EPB41L4A: variants seen among roughly 807,000 people sequenced by gnomAD.
EPB41L4A encodes erythrocyte membrane protein band 4.1 like 4A.
EPB41L4A carries 100 observed loss-of-function variants against 108.6 expected under a neutral mutation model. That is an observed-to-expected ratio of 0.92 (90% confidence interval 0.78 to 1.09). The LOEUF is 1.09. Ranked by LOEUF, EPB41L4A falls within the 50% of genes least tolerant of loss-of-function variation. The pLI is 0.00. For missense variants in EPB41L4A, 1,030 were observed against 842.7 expected, an observed-to-expected ratio of 1.22 and a Z score of -2.75; for synonymous variants, 319 against 289.0, an observed-to-expected ratio of 1.10 and a Z score of -1.05.
At chr5:112,373,000 C>T (rs1313859253) in intron 1 of EPB41L4A, among the ~76,000 whole-genome samples, 1 of 152,178 alleles carries the variant, frequency 6.6e-6, no homozygotes, top group East Asian at 1.9e-4. Context: ...TCCATATATT[C>T]TTTTTAAGAG....
intron 1 of EPB41L4A, among the ~76,000 whole-genome samples, chr5:112,308,282 CACA>C (rs1580654977): frequency 6.6e-6 from 1 of 152,204 alleles, no homozygotes; most frequent in East Asian, 1.9e-4. Flanking sequence ...AAAGAAATCC[CACA>C]ACAAGTCTCA....
Position 112,164,749 on chromosome 5 carries a change from C to T in EPB41L4A, c.*241G>A, listed in dbSNP as rs1016973753. ...GCTCGGGAGCCTGAGACAGGAGAAT[C>T]GCTTAACCCAGTAAGTGGAGGCTGC... On this transcript the variant is annotated 3_prime_UTR_variant, in exon 23 of 23. Coordinates refer to ENST00000261486, the MANE Select transcript of EPB41L4A (RefSeq NM_022140.5). The T allele has an allele frequency of 6.1e-5, 17 of 280,738 alleles. No homozygotes were observed. Among genetic ancestry groups the T allele is most frequent in the Non-Finnish European group, 8.5e-5 (13 of 152,262 alleles). The allele number at this position is 280,738 out of a possible 1,614,324, so 17.4% of individuals were successfully genotyped here. A position where few individuals can be genotyped will look rare whatever the true frequency, so the allele number is the denominator to read the frequency against.
In EPB41L4A at chr5:112,247,696, G is replaced by C. The variant is rs1484208681; in HGVS notation, c.796-6886C>G. ...AGGTCCTGAATTCTTACAAATGATG[G>C]AATTGGGGGTTTGAGTCAGGTTTAC... On this transcript the variant is annotated intron_variant, in intron 9 of 22. Transcript: ENST00000261486. Among the ~76,000 whole-genome samples the C allele has an allele frequency of 3.3e-5, 5 of 152,258 alleles. No individual in the cohort carries two copies. In the East Asian group the frequency reaches 7.7e-4, roughly 23 times the overall value.
At chr5:112,193,880 T>C (rs1761830180) in intron 17 of EPB41L4A, among the ~76,000 whole-genome samples, 2 of 152,286 alleles carry the variant, frequency 1.3e-5, no homozygotes, top group Non-Finnish European at 2.9e-5. Context: ...ACTCCCCCAG[T>C]TGAGAACCAC....
chr5:112,161,533 A>C, downstream of EPB41L4A: 1 of 519,248 alleles, frequency 1.9e-6, no homozygotes, highest in South Asian at 1.4e-5. Context: ...TGTGGTGTCA[A>C]AAAAGGCGTA....
At chr5:112,305,203 T>A (rs1754608091) in intron 2 of EPB41L4A, among the ~76,000 whole-genome samples, 1 of 152,170 alleles carries the variant, frequency 6.6e-6, no homozygotes, top group Non-Finnish European at 1.5e-5. Context: ...TTGCGTTTCA[T>A]CATCTCCAAC....
intron 11 of EPB41L4A, among the ~76,000 whole-genome samples, chr5:112,237,275 C>A (rs1749414119): frequency 6.6e-6 from 1 of 152,172 alleles, no homozygotes; most frequent in Non-Finnish European, 1.5e-5. Flanking sequence ...GATTTCAGCT[C>A]AGCCTTTCCT....
At chr5:112,150,993 T>C (rs550840648) in intron 12 of EPB41L4A, among the ~76,000 whole-genome samples, 20 of 152,282 alleles carry the variant, frequency 1.3e-4, no homozygotes, top group Non-Finnish European at 1.0e-4. Flanking sequence ...GGGGGGTTTG[T>C]TAAAATATAA....
intron 2 of EPB41L4A, among the ~76,000 whole-genome samples, chr5:112,303,315 G>A (rs1754488327): frequency 6.6e-6 from 1 of 152,124 alleles, no homozygotes; most frequent in Admixed American, 6.5e-5. Flanking sequence ...GAGGATTTTT[G>A]TTCAATACTC....
intron 12 of EPB41L4A, among the ~76,000 whole-genome samples, chr5:112,157,193 A>G (rs1195299843): frequency 2.0e-5 from 3 of 152,098 alleles, no homozygotes; most frequent in African/African-American, 7.2e-5. Flanking sequence ...GGCATGGTAG[A>G]TCTGTGTAGA....
intron 1 of EPB41L4A, among the ~76,000 whole-genome samples, chr5:112,336,241 T>C (rs1430122888): frequency 6.6e-6 from 1 of 152,042 alleles, no homozygotes; most frequent in Non-Finnish European, 1.5e-5. Flanking sequence ...AGACCAAAGA[T>C]GGATGGGGAG....
intron 1 of EPB41L4A, among the ~76,000 whole-genome samples, chr5:112,397,552 G>GA (rs998506411): frequency 3.0e-4 from 45 of 151,362 alleles, no homozygotes; most frequent in Non-Finnish European, 4.6e-4. Flanking sequence ...TAGTAATTCT[G>GA]AAAAAAAATT....
chr5:112,211,839 T>A (rs1457512428), intron 12 of EPB41L4A, among the ~76,000 whole-genome samples: 1 of 152,206 alleles, frequency 6.6e-6, no homozygotes, highest in African/African-American at 2.4e-5. Flanking sequence ...TCTAAGGCAT[T>A]TGACATGGGA....
chr5:112,337,509 C>A (rs1756998107), intron 1 of EPB41L4A, among the ~76,000 whole-genome samples: 1 of 152,180 alleles, frequency 6.6e-6, no homozygotes, highest in African/African-American at 2.4e-5. Context: ...ACAAGATCCC[C>A]ACAGACTGGT....
rs764558310 is a variant in EPB41L4A, at chr5:112,200,622, T to C, written c.1376+3753A>G. On this transcript the variant is annotated intron_variant, in intron 15 of 22. Coordinates refer to ENST00000261486, the MANE Select transcript of EPB41L4A (RefSeq NM_022140.5). The stretch of plus-strand genomic sequence containing the variant: ...CACCCAAACATTTTTTAATGTAAAA[T>C]TGAAAGCTGAGGAGTGAAAATATAT... Among the ~76,000 whole-genome samples, 11 of 152,152 alleles carry C rather than the reference T, an allele frequency of 7.2e-5. 1 individual carries two copies. The South Asian group carries it at 8.3e-4, about 11-fold the overall frequency.
chr5:112,357,288 G>A (rs78641586), intron 1 of EPB41L4A, among the ~76,000 whole-genome samples: 2 of 152,162 alleles, frequency 1.3e-5, no homozygotes, highest in Non-Finnish European at 2.9e-5. Flanking sequence ...ATGAACATGC[G>A]ACCTGAGCTG....
chr5:112,373,818 T>C (rs1418324171), intron 1 of EPB41L4A, among the ~76,000 whole-genome samples: 2 of 152,220 alleles, frequency 1.3e-5, no homozygotes, highest in Non-Finnish European at 2.9e-5. Flanking sequence ...AATTTAAAGA[T>C]AGTATCTAAC....
chr5:112,269,809 G>C (rs1350570585), intron 4 of EPB41L4A, among the ~76,000 whole-genome samples: 1 of 152,136 alleles, frequency 6.6e-6, no homozygotes, highest in Non-Finnish European at 1.5e-5. Flanking sequence ...GTACACAGCA[G>C]AGGCTTCATG....
chr5:112,344,381 T>C (rs1039658984), intron 1 of EPB41L4A, among the ~76,000 whole-genome samples: 1 of 152,220 alleles, frequency 6.6e-6, no homozygotes, highest in Non-Finnish European at 1.5e-5. Context: ...GACCAGGATT[T>C]GCTTCAAAAT....
Sources: allele counts gnomAD v4.1 joint callset (sites outside exome capture counted in the v4.1 genomes callset), GRCh38; gene constraint gnomAD v4.1.1; transcripts MANE v1.5; gene names NCBI Gene and HGNC (gene_info 2026-07-23, HGNC 2026-07-21).